Variants in CDAN1 observed in about 807,000 individuals in gnomAD.
CDAN1 encodes the protein codanin 1, also known as codanin-1.
CDAN1 carries 107 observed loss-of-function variants against 139.8 expected under a neutral mutation model. That is an observed-to-expected ratio of 0.77 (90% CI 0.65 to 0.90). The LOEUF (loss-of-function observed/expected upper bound fraction) is 0.90. Among genes scored for constraint, CDAN1 ranks in the 40% least tolerant of loss-of-function variants. CDAN1 has a pLI of 0.00. For synonymous variants in CDAN1, 776 were observed against 660.6 expected (o/e 1.17, Z -2.68); for missense variants, 1,667 against 1,575.7 (o/e 1.06, Z -0.98).
intron 14 of CDAN1, 80 bp downstream of exon 14, chr15:42,730,518 A>G (rs552201057): frequency 1.3e-6 from 2 of 1,528,926 alleles, no homozygotes; most frequent in African/African-American, 1.4e-5. Flanking sequence ...AGACTGCTCG[A>G]CCCTCTTTAT....
At chr15:42,727,526 A>G (rs1566980217) in intron 23 of CDAN1, 95 bp downstream of exon 23, 1 of 1,207,724 alleles carries the variant, frequency 8.3e-7, no homozygotes, top group South Asian at 1.6e-5. Flanking sequence ...CAGCTTCTAC[A>G]TAAAAATCCT....
intron 10 of CDAN1, 30 bp downstream of exon 10, chr15:42,732,303 T>C (rs1349920574): frequency 6.2e-7 from 1 of 1,600,916 alleles, no homozygotes; most frequent in Admixed American, 1.7e-5. Flanking sequence ...TGCTGTTTAA[T>C]GTGGATTAAT....
At position 42,734,221 on chromosome 15, in the gene CDAN1, AC is replaced by A. The variant is rs750300357; in HGVS notation, c.1257+4del. On this transcript the variant is annotated splice_donor_region_variant and intron_variant, in intron 7 of 27. Coordinates refer to ENST00000356231, the MANE Select transcript of CDAN1 (RefSeq NM_138477.4). ...GCTAGTGGGCAACTAAGCTGGGGTT[AC>A]TACCTTGGCAACACTGCCCTCATAG... 2.6e-5 allele frequency: 42 copies of A among 1,614,000 alleles called. No individual in the cohort carries two copies. Among genetic ancestry groups the A allele is most frequent in the Non-Finnish European group, 3.5e-5 (41 of 1,180,050 alleles).
intron 19 of CDAN1, 78 bp from the exon 20 acceptor site, chr15:42,728,888 A>G: frequency 2.5e-6 from 4 of 1,605,536 alleles, no homozygotes; most frequent in Non-Finnish European, 3.4e-6. Context: ...GAATTTGGTC[A>G]GAAATTTGCT....
chr15:42,727,624 T>C lies in CDAN1; in HGVS notation c.3093A>G (p.Ile1031Met), dbSNP rs750301552. ...APLPSHLISE[I>M]KDVLSLAVGP... ...AGGGAGTAGGGTAGCCGTGTACTTTTATCTCGGAGATGAGGTGGGAGGGGA... is the reference window on the plus strand; with the variant it reads ...AGGGAGTAGGGTAGCCGTGTACTTTCATCTCGGAGATGAGGTGGGAGGGGA... Residue 1031 changes from isoleucine (I) to methionine (M), a missense_variant, in exon 23 of 28, where the codon ATA becomes ATG. Ile to Met is a conservative substitution (Grantham distance 10). Coordinates refer to ENST00000356231, the MANE Select transcript of CDAN1 (RefSeq NM_138477.4). The C allele has an allele frequency of 6.4e-7, 1 of 1,569,638 alleles. No individual in the cohort carries two copies. Among genetic ancestry groups the C allele is most frequent in the Non-Finnish European group, 8.7e-7 (1 of 1,154,068 alleles).
rs763055681 is a variant in CDAN1, at chr15:42,733,039, G to A, written c.1457+58C>T. 7 of 1,469,228 alleles carry A rather than the reference G, an allele frequency of 4.8e-6. No homozygotes were observed. In the East Asian group the frequency reaches 9.1e-5, roughly 19 times the overall value. 91.0% of individuals were successfully genotyped at this position (1,469,228 alleles called of 1,614,324 possible). On this transcript the variant is annotated intron_variant, in intron 9 of 27. Coordinates refer to ENST00000356231, the MANE Select transcript of CDAN1 (RefSeq NM_138477.4). ...TTCCCTCCTCCTCCCTCCTGCCACC[G>A]AGCAAGCACTGAGCTACTCATTGCC...
In CDAN1 at chr15:42,731,662, C is replaced by A. The variant is rs1009051185; in HGVS notation, c.1697G>T (p.Gly566Val). The change falls in exon 11 of 28, where the codon GGC becomes GTC. Residue 566 changes from glycine to valine, a missense_variant. Around this residue, in one of 3 missense-constraint regions of CDAN1, gnomAD observed 936 missense variants for 844.1 expected, o/e 1.11. Coordinates refer to ENST00000356231, the MANE Select transcript of CDAN1 (RefSeq NM_138477.4). ...GAAGTCCCTAAAGAAGCCTTGACAG[C>A]CTGGGAAGGTGGGGGGTGGGCAGGG... ...GGPCPPPTFP[G>V]CQGFFRDFIL... 1.2e-6 allele frequency: 2 copies of A among 1,614,004 alleles called. No homozygotes were observed. Among genetic ancestry groups the A allele is most frequent in the Non-Finnish European group, 1.7e-6 (2 of 1,180,026 alleles).
intron 10 of CDAN1, 83 bp from the exon 11 acceptor site, chr15:42,731,908 T>C (rs1477012564): frequency 7.9e-7 from 1 of 1,268,504 alleles, no homozygotes; most frequent in African/African-American, 1.5e-5. Context: ...GAGAAAGTAA[T>C]GAACATTTAA....
chr15:42,733,175 T>C lies in CDAN1; in HGVS notation c.1379A>G (p.Tyr460Cys), dbSNP rs1259784009. The change falls in exon 9 of 28, where the codon TAT becomes TGT. Residue 460 changes from tyrosine to cysteine, a missense_variant. Physicochemically the swap from Tyr to Cys is radical, Grantham distance 194. Coordinates refer to ENST00000356231, the MANE Select transcript of CDAN1 (RefSeq NM_138477.4). ...ATCTTCCCACTCTCGCAGCACCTCATAAAACACATCCCTGACGCATAAGAA... is the reference window on the plus strand; with the variant it reads ...ATCTTCCCACTCTCGCAGCACCTCACAAAACACATCCCTGACGCATAAGAA... ...HTFKKQRDVF[Y>C]EVLREWEDHH... The C allele has an allele frequency of 6.2e-6, 10 of 1,613,678 alleles. No individual in the cohort carries two copies. Among genetic ancestry groups the C allele is most frequent in the Non-Finnish European group, 8.5e-6 (10 of 1,179,886 alleles).
In CDAN1 at chr15:42,731,107, T is replaced by A. The variant is rs551803385; in HGVS notation, c.1861-36A>T. On this transcript the variant is annotated intron_variant, in intron 12 of 27. Coordinates refer to ENST00000356231, the MANE Select transcript of CDAN1 (RefSeq NM_138477.4). ...TCAAGGGAAGTAAAAGGTCCAAGCA[T>A]GAGGCTTCCAGAACAATTCCCGATC... is the stretch of plus-strand genomic sequence containing the variant. The A allele has an allele frequency of 1.9e-6, 3 of 1,614,236 alleles. No individual in the cohort carries two copies. In the South Asian group the frequency reaches 3.3e-5, roughly 18 times the overall value.
chr15:42,735,591 C>A lies in CDAN1; in HGVS notation c.862G>T (p.Asp288Tyr). The part of the protein sequence containing the change: ...PLPSRTGSLT[D>Y]EPADPARVSS... ...ACTCTGGCAGGGTCTGCAGGTTCAT[C>A]TGTGAGGCTTCCTGTCCGGCTGGGG... The change falls in exon 4 of 28, where the codon GAT becomes TAT. Residue 288 changes from aspartate to tyrosine, a missense_variant. Asp to Tyr is a radical substitution (Grantham distance 160). Transcript: ENST00000356231. 1 of 1,614,232 alleles carries A rather than the reference C, an allele frequency of 6.2e-7. No homozygotes were observed. Among genetic ancestry groups the A allele is most frequent in the Non-Finnish European group, 8.5e-7 (1 of 1,180,044 alleles).
chr15:42,727,796 G>A (rs745454394), intron 22 of CDAN1, 27 bp from the exon 23 acceptor site: 12 of 1,608,224 alleles, frequency 7.5e-6, no homozygotes, highest in Non-Finnish European at 8.5e-6. Flanking sequence ...GAATGGGAAA[G>A]GAATCACGGG....
rs575633109 is a variant in CDAN1, at chr15:42,726,504, A to G, written c.3097-87T>C. 16 of 1,043,944 alleles carry G rather than the reference A, an allele frequency of 1.5e-5. No individual in the cohort carries two copies. The Admixed American group carries it at 2.6e-4, about 17-fold the overall frequency. The allele number at this position is 1,043,944 out of a possible 1,614,324, so 64.7% of individuals were successfully genotyped here. ...GCTTGGGACAGGGATCAGCCAGTGG[A>G]GAGAGGCAGAAGAATGGGCCCCGGG... On this transcript the variant is annotated intron_variant, in intron 23 of 27. Transcript: ENST00000356231.
rs374335881 is a variant in CDAN1 at position 42,726,428 on chromosome 15, C to T, written c.3097-11G>A. Reference sequence around the variant, plus strand: ...CAAGGAGAGCACGTCCTGTGAAGAGCAGGGGGAGATATCACCTTGCGCTGG... The same window carrying T: ...CAAGGAGAGCACGTCCTGTGAAGAGTAGGGGGAGATATCACCTTGCGCTGG... On this transcript the variant is annotated splice_polypyrimidine_tract_variant and intron_variant, in intron 23 of 27. Transcript: ENST00000356231. 6.3e-7 allele frequency: 1 copy of T among 1,575,590 alleles called. No individual in the cohort carries two copies. The highest frequency in any genetic ancestry group is 1.3e-5 in the African/African-American group (1 of 74,218).
chr15:42,735,712 C>T (rs368067759), intron 3 of CDAN1, 33 bp from the exon 4 acceptor site: 9 of 1,611,368 alleles, frequency 5.6e-6, no homozygotes, highest in Non-Finnish European at 6.8e-6. Flanking sequence ...GAGCAGTCAG[C>T]TTGGCTTCCC....
Position 42,731,232 on chromosome 15 carries a change from C to A in CDAN1, c.1839G>T (p.Gly613=), listed in dbSNP as rs148994527. Residue 613 remains glycine (G), a synonymous_variant, in exon 12 of 28, where the codon GGG becomes GGT. Transcript: ENST00000356231. ...LPQHEPNDED[G]ESDVDWQGER... Reference sequence around the variant, plus strand: ...GGACCTGCCAGTCTACGTCTGACTCCCCGTCTTCATCATTGGGCTCATGCT... The same window carrying A: ...GGACCTGCCAGTCTACGTCTGACTCACCGTCTTCATCATTGGGCTCATGCT... 4 of 1,614,068 alleles carry A rather than the reference C, an allele frequency of 2.5e-6. No individual in the cohort carries two copies. Among genetic ancestry groups the A allele is most frequent in the African/African-American group, 1.3e-5 (1 of 74,916 alleles).
In CDAN1 at chr15:42,736,868, G is replaced by A. The variant is rs75649060; in HGVS notation, c.91-88C>T. The A allele has an allele frequency of 8.9e-3, 12,963 of 1,449,072 alleles. 1,017 individuals are homozygous for A. In the African/African-American group the frequency reaches 0.17, roughly 19 times the overall value. 89.8% of individuals were successfully genotyped at this position (1,449,072 alleles called of 1,614,324 possible). On this transcript the variant is annotated intron_variant, in intron 1 of 27. Transcript: ENST00000356231. Reference sequence around the variant, plus strand: ...GCCGGGGCCGTAGGGCGCGCCTCGGGTGGGCGGCCCGGGCAGCGGCGCCCA... The same window carrying A: ...GCCGGGGCCGTAGGGCGCGCCTCGGATGGGCGGCCCGGGCAGCGGCGCCCA...
rs2061581822 is a variant in CDAN1, at chr15:42,729,617, A to G, written c.2358T>C (p.Asn786=). Residue 786 remains asparagine, a synonymous_variant, in exon 17 of 28, where the codon AAT becomes AAC. Transcript: ENST00000356231. ...GCAGCTGCTGGTCCACCACAGGCGC[A>G]TTGTCCTGGGGAGAAAAGGTTGGTG... ...DTVAPEHGLD[N]APVVDQQLLY... 2.5e-6 allele frequency: 4 copies of G among 1,614,050 alleles called. No individual in the cohort carries two copies. The East Asian group carries it at 8.9e-5, about 36-fold the overall frequency.
intron 27 of CDAN1, chr15:42,724,870 AATT>A (rs1306493262): frequency 1.6e-6 from 1 of 607,184 alleles, no homozygotes; most frequent in Non-Finnish European, 2.9e-6. Flanking sequence ...TTCATCTTGA[AATT>A]ATTATTCCCG....
Sources: gnomAD v4.1 joint callset for allele counts on GRCh38, gnomAD v4.1.1 for gene constraint, gnomAD v4.1.1 regional missense constraint, MANE v1.5 for transcripts, NCBI Gene and HGNC (gene_info 2026-07-23, HGNC 2026-07-21) for gene names.